Variants in BCAS3 observed in about 807,000 individuals in gnomAD.
The protein encoded by BCAS3 is BCAS4/BCAS3 fusion.
In BCAS3, 53 loss-of-function variants were observed where a neutral mutation model predicts 116.1. The ratio of observed to expected loss-of-function variants is 0.46; its 90% confidence interval spans 0.37 to 0.57. The LOEUF is 0.57. Ranked by LOEUF, BCAS3 falls within the 20% of genes least tolerant of loss-of-function variation. The pLI, the probability that BCAS3 is intolerant of heterozygous loss-of-function variation, is 0.00. For missense variants in BCAS3, 917 were observed against 1,165.4 expected (o/e 0.79, Z 3.10); for synonymous variants, 391 against 408.2 (o/e 0.96, Z 0.51).
At chr17:60,762,820 C>G (rs2043674634) in intron 6 of BCAS3, among the ~76,000 whole-genome samples, 1 of 151,872 alleles carries the variant, frequency 6.6e-6, no homozygotes, top group African/African-American at 2.4e-5. Flanking sequence ...ATTGATTCTT[C>G]CTATCCATGA....
intron 19 of BCAS3, among the ~76,000 whole-genome samples, chr17:61,050,008 C>T (rs948266040): frequency 2.6e-5 from 4 of 152,022 alleles, no homozygotes; most frequent in Non-Finnish European, 5.9e-5. Flanking sequence ...GTTGGGATTA[C>T]AGGCGTGAGC....
At chr17:61,306,682 A>G (rs973110022) in intron 22 of BCAS3, among the ~76,000 whole-genome samples, 1 of 152,098 alleles carries the variant, frequency 6.6e-6, no homozygotes. Context: ...AGGCTGAGGC[A>G]GGAGGATCGC....
chr17:60,955,652 A>G lies in BCAS3; in HGVS notation c.1221+8300A>G, dbSNP rs556231791. Among the ~76,000 whole-genome samples the G allele has an allele frequency of 7.2e-5, 11 of 152,144 alleles. No individual in the cohort carries two copies. In the East Asian group the frequency reaches 1.7e-3, roughly 24 times the overall value. On this transcript the variant is annotated intron_variant, in intron 14 of 23. Transcript: ENST00000407086. ...GCCCTCCTTGGCCTCCCACAGTGCC[A>G]GGATTACAGGCATGAGCCACCGTGC...
intron 5 of BCAS3, among the ~76,000 whole-genome samples, chr17:60,733,338 G>A (rs1045367716): frequency 3.0e-4 from 46 of 152,244 alleles, no homozygotes; most frequent in African/African-American, 1.0e-3. Flanking sequence ...GTTGTGATAG[G>A]ACATGATTTT....
At position 61,007,817 on chromosome 17, in the gene BCAS3, A is replaced by T. The variant is rs981532190; in HGVS notation, c.1487-7934A>T. Among the ~76,000 whole-genome samples the T allele has an allele frequency of 6.6e-6, 1 of 152,056 alleles. No individual in the cohort carries two copies. Among genetic ancestry groups the T allele is most frequent in the African/African-American group, 2.4e-5 (1 of 41,406 alleles). ...TCTCAAAGTACCTACAGTAATGTCTATGGTGACGTGAACTTTTTACTCAAA... is the reference window on the plus strand; with the variant it reads ...TCTCAAAGTACCTACAGTAATGTCTTTGGTGACGTGAACTTTTTACTCAAA... On this transcript the variant is annotated intron_variant, in intron 15 of 23. Transcript: ENST00000407086. The surrounding 1 kb of genome is among the most constrained non-coding windows in gnomAD (Gnocchi z 4.3).
Position 60,774,510 on chromosome 17 carries a change from C to CTTA in BCAS3, c.403+27231_403+27232insTTA, listed in dbSNP as rs1458752094. On this transcript the variant is annotated intron_variant, in intron 6 of 23. Transcript: ENST00000407086. The stretch of plus-strand genomic sequence containing the variant: ...ACTTAAAATTTTTGTTTGGATGCCA[C>CTTA]ACATTTTGAATTTTGTGTTGCTCAG... Among the ~76,000 whole-genome samples, 14 of 152,320 alleles carry CTTA rather than the reference C, an allele frequency of 9.2e-5. No homozygotes were observed. The East Asian group carries it at 2.7e-3, about 29-fold the overall frequency.
chr17:61,009,268 T>C (rs556748472), intron 15 of BCAS3, among the ~76,000 whole-genome samples: 3 of 152,152 alleles, frequency 2.0e-5, no homozygotes, highest in East Asian at 3.9e-4. Context: ...TCTATACTTA[T>C]CTCTAATACT....
At chr17:60,937,137 T>A (rs1356245229) in intron 13 of BCAS3, among the ~76,000 whole-genome samples, 1 of 152,204 alleles carries the variant, frequency 6.6e-6, no homozygotes, top group African/African-American at 2.4e-5. Context: ...CATTTCTTGT[T>A]TTTGTCAGGT....
chr17:60,815,873 A>C (rs1246554009), intron 7 of BCAS3, among the ~76,000 whole-genome samples: 1 of 152,228 alleles, frequency 6.6e-6, no homozygotes, highest in East Asian at 1.9e-4. Flanking sequence ...TCTTGGTATT[A>C]AGCGCAGTGC....
Position 60,692,304 on chromosome 17 carries a change from C to T in BCAS3, c.214+2543C>T, listed in dbSNP as rs572077240. ...ACCCAGGCTGGAGTGCACCCAGGCG[C>T]GATCTCAGCTCACTGCAAGCTTCGC... On this transcript the variant is annotated intron_variant, in intron 4 of 23. Coordinates refer to ENST00000407086, the MANE Select transcript of BCAS3 (RefSeq NM_017679.5). 2.2e-3 allele frequency among the ~76,000 whole-genome samples: 335 copies of T among 152,098 alleles called. 2 individuals carry two copies. Among genetic ancestry groups the T allele is most frequent in the African/African-American group, 7.7e-3 (318 of 41,502 alleles).
intron 16 of BCAS3, among the ~76,000 whole-genome samples, chr17:61,031,590 TTA>T (rs751820388): frequency 3.9e-5 from 6 of 152,116 alleles, no homozygotes; most frequent in African/African-American, 9.7e-5. Flanking sequence ...ACACATATTT[TTA>T]TGTTTTTATT....
At chr17:60,786,571 A>ATATATATAT (rs34629256) in intron 6 of BCAS3, among the ~76,000 whole-genome samples, 1 of 149,562 alleles carries the variant, frequency 6.7e-6, no homozygotes, top group African/African-American at 2.5e-5. Context: ...ATATATATAT[A>ATATATATAT]AAATGTGTCA....
At chr17:60,807,627 C>T (rs989892109) in intron 6 of BCAS3, among the ~76,000 whole-genome samples, 4 of 151,882 alleles carry the variant, frequency 2.6e-5, no homozygotes, top group Non-Finnish European at 4.4e-5. Flanking sequence ...ACTAAAAATA[C>T]AAAAATTAGC....
At chr17:61,247,265 TCTTATAGTATTCTATAATA>T (rs2048044803) in intron 22 of BCAS3, among the ~76,000 whole-genome samples, 1 of 152,226 alleles carries the variant, frequency 6.6e-6, no homozygotes, top group East Asian at 1.9e-4. Context: ...TTCACATTTT[TCTTATAGTATTCTATAATA>T]CATCTTTCAG....
At position 60,990,926 on chromosome 17, in the gene BCAS3, A is replaced by C. The variant is rs57254542; in HGVS notation, c.1486+691A>C. 0.07 allele frequency among the ~76,000 whole-genome samples: 10,638 copies of C among 152,166 alleles called. 1,114 individuals carry two copies. The highest frequency in any genetic ancestry group is 0.23 in the African/African-American group (9,504 of 41,492). On this transcript the variant is annotated intron_variant, in intron 15 of 23. Transcript: ENST00000407086. This position sits in a 1 kb window ranked among gnomAD's most constrained non-coding sequence, Gnocchi z 5.1. ...CTCCCAAAATGCTGGGATTACAGAC[A>C]TGAGCCACCGCACCCAGCCTGCATT...
At chr17:60,800,161 T>C (rs910237769) in intron 6 of BCAS3, among the ~76,000 whole-genome samples, 2 of 152,230 alleles carry the variant, frequency 1.3e-5, no homozygotes, top group South Asian at 4.1e-4. Flanking sequence ...TCAGTTCATT[T>C]TGGTAATTAC....
At chr17:60,835,515 A>C (rs1488421155) in intron 7 of BCAS3, among the ~76,000 whole-genome samples, 1 of 152,100 alleles carries the variant, frequency 6.6e-6, no homozygotes, top group Non-Finnish European at 1.5e-5. Context: ...TTTAGCAACC[A>C]AAATCTTTGC....
At chr17:60,724,003 A>C (rs1020589114) in intron 5 of BCAS3, among the ~76,000 whole-genome samples, 9 of 150,928 alleles carry the variant, frequency 6.0e-5, no homozygotes, top group African/African-American at 2.2e-4. Context: ...TACAGGCGTG[A>C]GCCACCGTGC....
In BCAS3 at chr17:61,375,998, G is replaced by A. The variant is rs117320457; in HGVS notation, c.2593+7504G>A. Among the ~76,000 whole-genome samples, 43 of 152,298 alleles carry A rather than the reference G, an allele frequency of 2.8e-4. 1 individual carries two copies. The Middle Eastern group carries it at 0.017, about 60-fold the overall frequency. On this transcript the variant is annotated intron_variant, in intron 23 of 23. Transcript: ENST00000407086. ...CTTTGCAGACATTTCAGAAGATGTG[G>A]TGGTGGTTAGAATTTTCTGCATCCC...
Sources: allele counts gnomAD v4.1 joint callset (sites outside exome capture counted in the v4.1 genomes callset), GRCh38; gene constraint gnomAD v4.1.1; non-coding constraint Gnocchi (gnomAD v3.1); transcripts MANE v1.5; gene names NCBI Gene and HGNC (gene_info 2026-07-23, HGNC 2026-07-21).